The following ZNF862 variants were observed in gnomAD, a reference collection of about 807,000 sequenced individuals.
The protein encoded by ZNF862 is zinc finger protein 862.
Under a neutral mutation model 91.1 loss-of-function variants are expected in ZNF862, and 64 were observed. The ratio of observed to expected loss-of-function variants is 0.70; its 90% CI spans 0.57 to 0.87. The LOEUF (loss-of-function observed/expected upper bound fraction) is 0.87. ZNF862 is among the 40% of genes least tolerant of loss of function. ZNF862 has a pLI of 0.00. For missense variants in ZNF862, 1,459 were observed against 1,528.0 expected, an observed-to-expected ratio of 0.95 and a Z score of 0.75; for synonymous variants, 631 against 618.1, an observed-to-expected ratio of 1.02 and a Z score of -0.31.
At position 149,838,510 on chromosome 7, in the gene ZNF862, C is replaced by T; in HGVS notation, c.-102C>T. 6.1e-6 allele frequency: 5 copies of T among 813,930 alleles called. No individual in the cohort carries two copies. In the East Asian group the frequency reaches 1.7e-4, roughly 27 times the overall value. The allele number at this position is 813,930 out of a possible 1,614,324, so 50.4% of individuals were successfully genotyped here. A position where few individuals can be genotyped will look rare whatever the true frequency, so the allele number is the denominator to read the frequency against. On this transcript the variant is annotated 5_prime_UTR_variant, in exon 1 of 8. Coordinates refer to ENST00000223210, the MANE Select transcript of ZNF862 (RefSeq NM_001099220.3). ...CGCGCTCCCTCCCTACCTGGGTGCC[C>T]TCCCCCTCCGGGAGCCTGGGTCCCC... is the stretch of plus-strand genomic sequence containing the variant.
At chr7:149,863,251 A>G (rs1802582736) in intron 7 of ZNF862, among the ~76,000 whole-genome samples, 1 of 152,246 alleles carries the variant, frequency 6.6e-6, no homozygotes, top group South Asian at 2.1e-4. Flanking sequence ...GGGGTTCTCC[A>G]GACCACTCGC....
intron 6 of ZNF862, chr7:149,860,011 A>G (rs1035781592): frequency 1.4e-5 from 4 of 292,536 alleles, no homozygotes; most frequent in South Asian, 6.4e-5. Flanking sequence ...TGTTTAACCT[A>G]TTCTATTGTG....
intron 5 of ZNF862, among the ~76,000 whole-genome samples, chr7:149,853,365 C>T (rs1802134863): frequency 6.6e-6 from 1 of 152,182 alleles, no homozygotes; most frequent in Non-Finnish European, 1.5e-5. Context: ...TGTGTGCACG[C>T]ACTCGCCACA....
rs1252835545 is a variant in ZNF862 at position 149,850,397 on chromosome 7, G to A, written c.1117+59G>A. On this transcript the variant is annotated intron_variant, in intron 5 of 7. Coordinates refer to ENST00000223210, the MANE Select transcript of ZNF862 (RefSeq NM_001099220.3). This position sits in a 1 kb window ranked among gnomAD's most constrained non-coding sequence, Gnocchi z 4.2. Reference sequence around the variant, plus strand: ...TCCTTTGACTTGGGAAGCCCACAAGGGGAGCTGTGGCTTGTGGTTATCTTC... The same window carrying A: ...TCCTTTGACTTGGGAAGCCCACAAGAGGAGCTGTGGCTTGTGGTTATCTTC... 1.3e-6 allele frequency: 2 copies of A among 1,528,186 alleles called. No homozygotes were observed. The highest frequency in any genetic ancestry group is 1.8e-6 in the Non-Finnish European group (2 of 1,132,558). 94.7% of individuals were successfully genotyped at this position (1,528,186 alleles called of 1,614,324 possible). A position where few individuals can be genotyped will look rare whatever the true frequency, so the allele number is the denominator to read the frequency against.
rs1802756449 is a variant in ZNF862, at chr7:149,867,050, C to G, written c.*2766C>G. 2.0e-5 allele frequency: 3 copies of G among 152,270 alleles called. No homozygotes were observed. Among genetic ancestry groups the G allele is most frequent in the African/African-American group, 7.2e-5 (3 of 41,442 alleles). 9.4% of individuals were successfully genotyped at this position (152,270 alleles called of 1,614,324 possible). A position where few individuals can be genotyped will look rare whatever the true frequency, so the allele number is the denominator to read the frequency against. ...CGCCACCCTCCTCCTTGCCTGTAGT[C>G]TTGACAGCATCCGTATGTACGTGTC... On this transcript the variant is annotated 3_prime_UTR_variant, in exon 8 of 8. Transcript: ENST00000223210.
At chr7:149,854,706 G>T (rs1802196645) in intron 5 of ZNF862, among the ~76,000 whole-genome samples, 1 of 152,180 alleles carries the variant, frequency 6.6e-6, no homozygotes, top group Non-Finnish European at 1.5e-5. Flanking sequence ...CTAGCTCCTT[G>T]CGGTTCTCCT....
rs1020375161 is a variant in ZNF862 at position 149,855,194 on chromosome 7, A to C, written c.1118-4228A>C. Among the ~76,000 whole-genome samples, 4 of 152,238 alleles carry C rather than the reference A, an allele frequency of 2.6e-5. No individual in the cohort carries two copies. The highest frequency in any genetic ancestry group is 7.2e-5 in the African/African-American group (3 of 41,466). On this transcript the variant is annotated intron_variant, in intron 5 of 7. Coordinates refer to ENST00000223210, the MANE Select transcript of ZNF862 (RefSeq NM_001099220.3). The surrounding 1 kb of genome is among the most constrained non-coding windows in gnomAD (Gnocchi z 4.1). ...AGAGCGTGCCTGTGAGCTCACAAGC[A>C]TGCTGGAACACATGGGGCAGAATGT...
intron 6 of ZNF862, 54 bp downstream of exon 6, chr7:149,859,580 A>G (rs965920585): frequency 1.6e-5 from 23 of 1,412,466 alleles, no homozygotes; most frequent in Non-Finnish European, 1.8e-5. Flanking sequence ...CCAGGCGGCT[A>G]TGATGAGTCA....
chr7:149,861,071 G>A lies in ZNF862; in HGVS notation c.1911G>A (p.Gln637=), dbSNP rs1244221390. 6.2e-7 allele frequency: 1 copy of A among 1,612,798 alleles called. No individual in the cohort carries two copies. The highest frequency in any genetic ancestry group is 8.5e-7 in the Non-Finnish European group (1 of 1,179,764). The part of the protein sequence containing the change: ...LLDSSTDASE[Q]ACVGIYIRYF... ...ACAGCTCCACCGACGCCTCCGAGCA[G>A]GCCTGCGTGGGGATTTACATCCGCT... Residue 637 remains glutamine (Q), a synonymous_variant, in exon 7 of 8, where the codon CAG becomes CAA. Transcript: ENST00000223210. This position sits in a 1 kb window ranked among gnomAD's most constrained non-coding sequence, Gnocchi z 6.7.
Position 149,861,859 on chromosome 7 carries a change from G to A in ZNF862, c.2699G>A (p.Gly900Glu). The A allele has an allele frequency of 6.2e-7, 1 of 1,613,728 alleles. No homozygotes were observed. Among genetic ancestry groups the A allele is most frequent in the South Asian group, 1.1e-5 (1 of 91,078 alleles). The change falls in exon 7 of 8, where the codon GGG (glycine) becomes GAG (glutamate). Residue 900 changes from glycine to glutamate, a missense_variant. Physicochemically the swap from Gly to Glu is moderately conservative, Grantham distance 98. Transcript: ENST00000223210. The surrounding 1 kb of genome is among the most constrained non-coding windows in gnomAD (Gnocchi z 6.7). ...GAATTCAACGCCAGCTTCAAGGATG[G>A]GCGGCTCCACGGCATCTGCTTGGAC... ...EEEFNASFKD[G>E]RLHGICLDKL...
In ZNF862 at chr7:149,861,814, A is replaced by G. The variant is rs371121819; in HGVS notation, c.2654A>G (p.Gln885Arg). Residue 885 changes from glutamine to arginine, a missense_variant, in exon 7 of 8, where the codon CAG (glutamine) becomes CGG (arginine). Transcript: ENST00000223210. The surrounding 1 kb of genome is among the most constrained non-coding windows in gnomAD (Gnocchi z 6.7). ...GTGGCACTGGAGAGCCTCCGTCACC[A>G]GGCAGGGCCCAAAGAGGAAGAATTC... Reference protein sequence around the residue: ...AYVALESLRHQAGPKEEEFNA... With the variant: ...AYVALESLRHRAGPKEEEFNA... 24 of 1,613,568 alleles carry G rather than the reference A, an allele frequency of 1.5e-5. No homozygotes were observed. In the African/African-American group the frequency reaches 3.1e-4, roughly 21 times the overall value.
chr7:149,861,648 A>C lies in ZNF862; in HGVS notation c.2488A>C (p.Lys830Gln), dbSNP rs1802506448. The C allele has an allele frequency of 6.2e-7, 1 of 1,608,252 alleles. No homozygotes were observed. The highest frequency in any genetic ancestry group is 1.3e-5 in the African/African-American group (1 of 74,972). ...TGGGCACCGGGCCAAAGGGATGCTG[A>C]AGCTCATGCGCGGCTTCCACTTTGT... Reference protein sequence around the residue: ...QIGHRAKGMLKLMRGFHFVKF... With the variant: ...QIGHRAKGMLQLMRGFHFVKF... Residue 830 changes from lysine (K) to glutamine (Q), a missense_variant, in exon 7 of 8, where the codon AAG becomes CAG. By Grantham distance (53) the Lys-to-Gln change is moderately conservative. Transcript: ENST00000223210. This position sits in a 1 kb window ranked among gnomAD's most constrained non-coding sequence, Gnocchi z 6.7.
At chr7:149,853,646 A>C (rs1163839646) in intron 5 of ZNF862, among the ~76,000 whole-genome samples, 1 of 152,188 alleles carries the variant, frequency 6.6e-6, no homozygotes, top group Non-Finnish European at 1.5e-5. Context: ...TTATTCTTTA[A>C]AAATATTTCT....
At position 149,838,378 on chromosome 7, in the gene ZNF862, G is replaced by A; in HGVS notation, c.-234G>A. 1 of 394,200 alleles carries A rather than the reference G, an allele frequency of 2.5e-6. No individual in the cohort carries two copies. The highest frequency in any genetic ancestry group is 4.5e-6 in the Non-Finnish European group (1 of 223,696). 24.4% of individuals were successfully genotyped at this position (394,200 alleles called of 1,614,324 possible). A position where few individuals can be genotyped will look rare whatever the true frequency, so the allele number is the denominator to read the frequency against. On this transcript the variant is annotated 5_prime_UTR_variant, in exon 1 of 8. Transcript: ENST00000223210. ...GCCCCGCCGCCTGGGGCTGGGCAGT[G>A]ACCGTAAAGCTGTTCGCTCGGTGCG...
At chr7:149,860,242 C>G (rs1013510515) in intron 6 of ZNF862, 141 bp from the exon 7 acceptor site, 41 of 758,404 alleles carry the variant, frequency 5.4e-5, no homozygotes, top group Non-Finnish European at 8.0e-5. Context: ...AAGTGGACGC[C>G]ACTTTCTCTA....
At chr7:149,863,331 C>G (rs955150334) in intron 7 of ZNF862, among the ~76,000 whole-genome samples, 10 of 142,660 alleles carry the variant, frequency 7.0e-5, no homozygotes, top group Non-Finnish European at 1.2e-4. Flanking sequence ...CCGGCTGTTG[C>G]TGCTCCCAGT....
chr7:149,861,577 C>T lies in ZNF862; in HGVS notation c.2417C>T (p.Ala806Val). Residue 806 changes from alanine to valine, a missense_variant, in exon 7 of 8, where the codon GCC (alanine) becomes GTC (valine). Physicochemically the swap from Ala to Val is moderately conservative, Grantham distance 64 (BLOSUM62 0). Coordinates refer to ENST00000223210, the MANE Select transcript of ZNF862 (RefSeq NM_001099220.3). This position sits in a 1 kb window ranked among gnomAD's most constrained non-coding sequence, Gnocchi z 6.7. Reference protein sequence around the residue: ...TLHALLVSWPALARHLQRVAE... With the variant: ...TLHALLVSWPVLARHLQRVAE... Reference sequence around the variant, plus strand: ...CACGCGCTGCTCGTGAGCTGGCCCGCCCTGGCCAGGCACCTCCAGAGGGTG... The same window carrying T: ...CACGCGCTGCTCGTGAGCTGGCCCGTCCTGGCCAGGCACCTCCAGAGGGTG... 1 of 1,595,602 alleles carries T rather than the reference C, an allele frequency of 6.3e-7. No homozygotes were observed. The highest frequency in any genetic ancestry group is 8.5e-7 in the Non-Finnish European group (1 of 1,173,188).
Position 149,861,906 on chromosome 7 carries a change from C to G in ZNF862, c.2746C>G (p.Arg916Gly), listed in dbSNP as rs753667364. The G allele has an allele frequency of 6.2e-6, 10 of 1,613,706 alleles. No homozygotes were observed. In the South Asian group the frequency reaches 9.9e-5, roughly 16 times the overall value. Residue 916 changes from arginine to glycine, a missense_variant, in exon 7 of 8, where the codon CGG (arginine) becomes GGG (glycine). Coordinates refer to ENST00000223210, the MANE Select transcript of ZNF862 (RefSeq NM_001099220.3). This position sits in a 1 kb window ranked among gnomAD's most constrained non-coding sequence, Gnocchi z 6.7. The stretch of plus-strand genomic sequence containing the variant: ...GGACAAACTGGAGGTAGCGGAACAG[C>G]GGTTCCAGGCGGATAGGGAGAGGAC... ...CLDKLEVAEQRFQADRERTVL... is the reference protein window; with the variant it reads ...CLDKLEVAEQGFQADRERTVL...
rs1437573424 is a variant in ZNF862, at chr7:149,861,518, G to A, written c.2358G>A (p.Ala786=). The part of the protein sequence containing the change: ...QEIIRLKDLN[A]VRWVASRRRT... ...TCATCCGCCTGAAGGATCTGAATGC[G>A]GTCCGCTGGGTGGCCAGCAGGAGGC... Residue 786 remains alanine, a synonymous_variant, in exon 7 of 8, where the codon GCG becomes GCA. Coordinates refer to ENST00000223210, the MANE Select transcript of ZNF862 (RefSeq NM_001099220.3). The surrounding 1 kb of genome is among the most constrained non-coding windows in gnomAD (Gnocchi z 6.7). 9.3e-6 allele frequency: 15 copies of A among 1,607,726 alleles called. No individual in the cohort carries two copies. Among genetic ancestry groups the A allele is most frequent in the Admixed American group, 5.1e-5 (3 of 59,146 alleles).
Sources: gnomAD v4.1 joint callset for allele counts (sites outside exome capture counted in the v4.1 genomes callset) on GRCh38, gnomAD v4.1.1 for gene constraint, Gnocchi (gnomAD v3.1) non-coding constraint, MANE v1.5 for transcripts, NCBI Gene and HGNC (gene_info 2026-07-23, HGNC 2026-07-21) for gene names.